Variants in HNRNPUL1 observed in about 807,000 individuals in gnomAD.
HNRNPUL1 encodes heterogeneous nuclear ribonucleoprotein U like 1, also known as heterogeneous nuclear ribonucleoprotein U-like protein 1.
Under a neutral mutation model 108.5 loss-of-function variants are expected in HNRNPUL1, and 14 were observed. That is an observed-to-expected ratio of 0.13 (90% CI 0.09 to 0.20). The LOEUF (loss-of-function observed/expected upper bound fraction) is 0.20. Ranked by LOEUF, HNRNPUL1 falls within the 10% of genes least tolerant of loss-of-function variation. The probability of loss-of-function intolerance (pLI) is 1.00; values close to 1 mark genes in which losing one functional copy is unlikely to be tolerated. For synonymous variants in HNRNPUL1, 422 were observed against 445.2 expected, an observed-to-expected ratio of 0.95 and a Z score of 0.66; for missense variants, 804 against 1,168.3, an observed-to-expected ratio of 0.69 and a Z score of 4.55.
At chr19:41,278,567 G>T (rs1040189917) in intron 5 of HNRNPUL1, 1 of 153,656 alleles carries the variant, frequency 6.5e-6, no homozygotes, top group African/African-American at 2.4e-5. Context: ...GTATCTATAG[G>T]ATGCTGAGTT....
At chr19:41,304,774 A>G (rs935471643) in intron 13 of HNRNPUL1, among the ~76,000 whole-genome samples, 1 of 152,224 alleles carries the variant, frequency 6.6e-6, no homozygotes, top group African/African-American at 2.4e-5. Flanking sequence ...TCTGGTATGC[A>G]CAGGCTCCTG....
chr19:41,278,852 G>A (rs1282374253), intron 5 of HNRNPUL1, among the ~76,000 whole-genome samples: 4 of 152,052 alleles, frequency 2.6e-5, no homozygotes, highest in African/African-American at 4.8e-5. Flanking sequence ...AAACATAACC[G>A]TATTTTGAAA....
At position 41,290,565 on chromosome 19, in the gene HNRNPUL1, A is replaced by G. The variant is rs1269003308; in HGVS notation, c.1000-1680A>G. Among the ~76,000 whole-genome samples the G allele has an allele frequency of 3.3e-5, 5 of 152,146 alleles. No individual in the cohort carries two copies. In the East Asian group the frequency reaches 9.6e-4, roughly 29 times the overall value. ...CCTTATTTCTAGCACAGTGCCTGAC[A>G]TTTTGCAGTGATAGCTCACATTCCT... is the stretch of plus-strand genomic sequence containing the variant. On this transcript the variant is annotated intron_variant, in intron 7 of 14. Transcript: ENST00000392006.
At chr19:41,268,057 T>C in intron 1 of HNRNPUL1, 166 bp from the exon 2 acceptor site, 1 of 569,654 alleles carries the variant, frequency 1.8e-6, no homozygotes, top group Non-Finnish European at 2.9e-6. Context: ...TGTCTTCAGC[T>C]GTATCCCAGG....
intron 11 of HNRNPUL1, 103 bp from the exon 12 acceptor site, chr19:41,302,562 C>T: frequency 2.1e-6 from 3 of 1,418,960 alleles, no homozygotes; most frequent in Non-Finnish European, 3.0e-6. Context: ...TTTTCTTCAC[C>T]TTCTCCCTTC....
chr19:41,285,082 AAG>A (rs1158384769), intron 7 of HNRNPUL1, among the ~76,000 whole-genome samples: 2 of 152,150 alleles, frequency 1.3e-5, no homozygotes, highest in African/African-American at 4.8e-5. Flanking sequence ...AAGCAAAAGA[AAG>A]GGGAAAGATC....
intron 10 of HNRNPUL1, among the ~76,000 whole-genome samples, chr19:41,296,708 G>C (rs1057092895): frequency 2.0e-5 from 3 of 152,226 alleles, no homozygotes; most frequent in African/African-American, 7.2e-5. Flanking sequence ...CATTCCACCA[G>C]CTTTGGCGGT....
chr19:41,271,802 A>C (rs1361459913), intron 2 of HNRNPUL1, among the ~76,000 whole-genome samples: 1 of 152,176 alleles, frequency 6.6e-6, no homozygotes, highest in Non-Finnish European at 1.5e-5. Flanking sequence ...CTCCCTTGCC[A>C]GACTGAAGAA....
intron 4 of HNRNPUL1, among the ~76,000 whole-genome samples, chr19:41,275,256 T>G (rs1216017077): frequency 6.6e-6 from 1 of 152,184 alleles, no homozygotes; most frequent in Non-Finnish European, 1.5e-5. Flanking sequence ...TATATGGTGG[T>G]GGTGATTAAC....
At chr19:41,288,899 T>C (rs1041771988) in intron 7 of HNRNPUL1, among the ~76,000 whole-genome samples, 1 of 152,176 alleles carries the variant, frequency 6.6e-6, no homozygotes, top group Non-Finnish European at 1.5e-5. Flanking sequence ...TACTTCCCCA[T>C]TGGAGCACAT....
At chr19:41,277,725 T>C (rs191300089) in intron 5 of HNRNPUL1, among the ~76,000 whole-genome samples, 25 of 152,308 alleles carry the variant, frequency 1.6e-4, no homozygotes, top group African/African-American at 6.0e-4. Context: ...CAGGCTGGGC[T>C]TGAACTCCTG....
rs2036794050 is a variant in HNRNPUL1, at chr19:41,294,838, A to G, written c.1518+152A>G. Reference sequence around the variant, plus strand: ...GTCAGACCTTGTCATACATGATGACATGGTACTACACACAGCTGAGCCTGG... The same window carrying G: ...GTCAGACCTTGTCATACATGATGACGTGGTACTACACACAGCTGAGCCTGG... On this transcript the variant is annotated intron_variant, in intron 10 of 14. Coordinates refer to ENST00000392006, the MANE Select transcript of HNRNPUL1 (RefSeq NM_007040.6). The surrounding 1 kb of genome is among the most constrained non-coding windows in gnomAD (Gnocchi z 4.3). The G allele has an allele frequency of 6.9e-6, 6 of 870,106 alleles. No homozygotes were observed. The highest frequency in any genetic ancestry group is 6.6e-5 in the Admixed American group (3 of 45,698). 53.9% of individuals were successfully genotyped at this position (870,106 alleles called of 1,614,324 possible). A position where few individuals can be genotyped will look rare whatever the true frequency, so the allele number is the denominator to read the frequency against.
At chr19:41,296,070 T>TA (rs1440806969) in intron 10 of HNRNPUL1, among the ~76,000 whole-genome samples, 5 of 152,206 alleles carry the variant, frequency 3.3e-5, no homozygotes, top group Admixed American at 1.3e-4. Flanking sequence ...AGAGCAGTAA[T>TA]ACCATTTTAA....
In HNRNPUL1 at chr19:41,306,464, A is replaced by C; in HGVS notation, c.2470A>C (p.Asn824His). 6.3e-7 allele frequency: 1 copy of C among 1,592,676 alleles called. No homozygotes were observed. Among genetic ancestry groups the C allele is most frequent in the Non-Finnish European group, 8.5e-7 (1 of 1,171,582 alleles). Residue 824 changes from asparagine (N) to histidine (H), a missense_variant, in exon 15 of 15, where the codon AAC (asparagine) becomes CAC (histidine). Asn to His is a moderately conservative substitution (Grantham distance 68). Around this residue, in one of 4 missense-constraint regions of HNRNPUL1, gnomAD observed 294 missense variants for 388.3 expected, o/e 0.76. Transcript: ENST00000392006. ...NQYQQYAQQW[N>H]QYYQNQGQWP... is the part of the protein sequence containing the mutation. ...CTTTCCCCAGTATGCCCAGCAGTGG[A>C]ACCAGTACTATCAGAACCAGGGCCA...
At chr19:41,269,044 G>T (rs186031940) in intron 2 of HNRNPUL1, among the ~76,000 whole-genome samples, 13 of 152,098 alleles carry the variant, frequency 8.5e-5, no homozygotes, top group Non-Finnish European at 1.3e-4. Context: ...CTCAGAAAAG[G>T]GTTCCTTAGC....
At chr19:41,305,585 C>T (rs1200610079) in intron 13 of HNRNPUL1, 91 bp from the exon 14 acceptor site, 3 of 1,537,770 alleles carry the variant, frequency 2.0e-6, no homozygotes, top group Non-Finnish European at 1.8e-6. Context: ...GGGCCAACCA[C>T]TTAAAAAGGC....
chr19:41,288,982 G>A (rs1182452595), intron 7 of HNRNPUL1, among the ~76,000 whole-genome samples: 1 of 152,042 alleles, frequency 6.6e-6, no homozygotes, highest in Non-Finnish European at 1.5e-5. Context: ...ATTCCTTCTT[G>A]AAAGTTAGAT....
At chr19:41,275,823 C>T (rs1383425330) in intron 4 of HNRNPUL1, among the ~76,000 whole-genome samples, 1 of 152,192 alleles carries the variant, frequency 6.6e-6, no homozygotes, top group African/African-American at 2.4e-5. Context: ...ATCAGCCAGG[C>T]CGGGCGTGGT....
intron 7 of HNRNPUL1, among the ~76,000 whole-genome samples, chr19:41,286,257 T>TA (rs2036221830): frequency 6.6e-6 from 1 of 151,762 alleles, no homozygotes; most frequent in African/African-American, 2.4e-5. Flanking sequence ...TGTCCACAAA[T>TA]ATTTTCAGTA....
Sources: allele counts gnomAD v4.1 joint callset (sites outside exome capture counted in the v4.1 genomes callset), GRCh38; gene constraint gnomAD v4.1.1; regional missense constraint gnomAD v4.1.1; non-coding constraint Gnocchi (gnomAD v3.1); transcripts MANE v1.5; gene names NCBI Gene and HGNC (gene_info 2026-07-23, HGNC 2026-07-21).